Variants in WWTR1 observed in about 807,000 individuals in gnomAD.
The protein encoded by WWTR1 is WW domain containing transcription regulator 1.
A neutral mutation model predicts 40.1 loss-of-function variants in WWTR1; 13 were observed. The observed-to-expected ratio is 0.32, with a 90% CI of 0.21 to 0.52. The LOEUF is 0.52. WWTR1 is among the 20% of genes least tolerant of loss of function. The pLI, the probability that WWTR1 is intolerant of heterozygous loss-of-function variation, is 0.97. For synonymous variants in WWTR1, 230 were observed against 210.1 expected (o/e 1.09, Z -0.82); for missense variants, 436 against 523.1 (o/e 0.83, Z 1.63).
At chr3:149,581,669 A>T (rs530539070) in intron 2 of WWTR1, among the ~76,000 whole-genome samples, 1 of 152,250 alleles carries the variant, frequency 6.6e-6, no homozygotes, top group Non-Finnish European at 1.5e-5. Flanking sequence ...GGAATTCTGA[A>T]TGAATGGCAG....
chr3:149,585,909 T>C (rs1187095898), intron 2 of WWTR1, among the ~76,000 whole-genome samples: 1 of 152,222 alleles, frequency 6.6e-6, no homozygotes, highest in Non-Finnish European at 1.5e-5. Flanking sequence ...GCAGGAAGCC[T>C]TGAAGGTTCT....
intron 2 of WWTR1, among the ~76,000 whole-genome samples, chr3:149,617,186 T>C (rs1292303677): frequency 1.3e-5 from 2 of 152,194 alleles, no homozygotes; most frequent in African/African-American, 2.4e-5. Context: ...CCTTGTGCCA[T>C]GACAAGGTGG....
chr3:149,642,817 T>C (rs1333206139), intron 2 of WWTR1, among the ~76,000 whole-genome samples: 1 of 151,300 alleles, frequency 6.6e-6, no homozygotes, highest in Non-Finnish European at 1.5e-5. Context: ...AAAAGTTGCA[T>C]ATGCATAGGG....
intron 4 of WWTR1, among the ~76,000 whole-genome samples, chr3:149,539,133 A>G (rs538352840): frequency 3.3e-5 from 5 of 152,354 alleles, no homozygotes; most frequent in East Asian, 1.9e-4. Context: ...AAATCATGCA[A>G]CAAGGACCAA....
chr3:149,667,609 C>T (rs1713889599), intron 2 of WWTR1, among the ~76,000 whole-genome samples: 1 of 151,940 alleles, frequency 6.6e-6, no homozygotes, highest in Admixed American at 6.6e-5. Flanking sequence ...ACCCAGCATC[C>T]CACTATGCTC....
Position 149,641,081 on chromosome 3 carries a change from G to A in WWTR1, c.431+15795C>T, listed in dbSNP as rs373770267. 9.9e-5 allele frequency among the ~76,000 whole-genome samples: 15 copies of A among 152,252 alleles called. No homozygotes were observed. In the Middle Eastern group the frequency reaches 0.01, roughly 104 times the overall value. ...GGCATTCGATATTATTTATTATGCAGGGTCCTTTTATCTTGTTCCACAATA... is the reference window on the plus strand; with the variant it reads ...GGCATTCGATATTATTTATTATGCAAGGTCCTTTTATCTTGTTCCACAATA... On this transcript the variant is annotated intron_variant, in intron 2 of 6. Coordinates refer to ENST00000360632, the MANE Select transcript of WWTR1 (RefSeq NM_015472.6).
intron 3 of WWTR1, among the ~76,000 whole-genome samples, chr3:149,561,273 CATGATG>C (rs1158372822): frequency 6.6e-6 from 1 of 151,916 alleles, no homozygotes; most frequent in Admixed American, 6.5e-5. Context: ...CAGCCATTAA[CATGATG>C]TGATGGTTTA....
At chr3:149,620,983 G>T (rs185694491) in intron 2 of WWTR1, among the ~76,000 whole-genome samples, 13 of 152,308 alleles carry the variant, frequency 8.5e-5, no homozygotes, top group Admixed American at 7.2e-4. Context: ...AAGAATCCAT[G>T]TCACCCTTGA....
In WWTR1 at chr3:149,656,956, G is replaced by A; in HGVS notation, c.351C>T (p.Ser117=). 3 of 1,595,392 alleles carry A rather than the reference G, an allele frequency of 1.9e-6. No individual in the cohort carries two copies. Among genetic ancestry groups the A allele is most frequent in the Non-Finnish European group, 2.6e-6 (3 of 1,174,482 alleles). Residue 117 remains serine (S), a synonymous_variant, in exon 2 of 7, where the codon TCC becomes TCT. Transcript: ENST00000360632. ...AQQHAHLRQQ[S]YDVTDELPLP... ...GTGGCAGCTCGTCGGTCACGTCGTA[G>A]GACTGCTGGCGGAGGTGCGCGTGCT...
intron 4 of WWTR1, among the ~76,000 whole-genome samples, chr3:149,530,835 C>T (rs914067940): frequency 6.6e-5 from 10 of 152,100 alleles, no homozygotes; most frequent in Non-Finnish European, 5.9e-5. Context: ...GGGCAAATGC[C>T]GCCTTCTGTC....
chr3:149,549,937 T>C (rs975022178), intron 3 of WWTR1, among the ~76,000 whole-genome samples: 39 of 151,944 alleles, frequency 2.6e-4, no homozygotes, highest in Admixed American at 8.5e-4. Flanking sequence ...AGATAAAAAC[T>C]AAAGAAATCT....
intron 2 of WWTR1, 93 bp downstream of exon 2, chr3:149,656,783 T>TCACA (rs1393422646): frequency 0.011 from 9,447 of 886,932 alleles, 87 homozygotes; most frequent in Admixed American, 0.015. Flanking sequence ...TCTCTCTCTC[T>TCACA]CTCTCTCTCA....
intron 1 of WWTR1, chr3:149,702,484 T>TATTATTATTATC (rs1715211463): frequency 6.6e-6 from 1 of 150,554 alleles, no homozygotes; most frequent in Non-Finnish European, 1.5e-5. Context: ...TTATTATTAT[T>TATTATTATTATC]ATTATTATTT....
intron 2 of WWTR1, 78 bp downstream of exon 2, chr3:149,656,798 C>T: frequency 2.3e-6 from 3 of 1,305,426 alleles, no homozygotes; most frequent in Non-Finnish European, 3.1e-6. Context: ...CTCTCACACA[C>T]ACACACACAC....
At chr3:149,581,811 G>A (rs1738162577) in intron 2 of WWTR1, among the ~76,000 whole-genome samples, 1 of 152,136 alleles carries the variant, frequency 6.6e-6, no homozygotes, top group South Asian at 2.1e-4. Flanking sequence ...CCTCTGCCCT[G>A]GCCAGCTGTG....
At chr3:149,715,694 T>A (rs1320596391) in intron 5 of WWTR1, among the ~76,000 whole-genome samples, 1 of 152,118 alleles carries the variant, frequency 6.6e-6, no homozygotes, top group African/African-American at 2.4e-5. Context: ...GACATCCCAA[T>A]CCCAAAGATC....
At chr3:149,601,324 G>A (rs1739232558) in intron 2 of WWTR1, among the ~76,000 whole-genome samples, 2 of 152,024 alleles carry the variant, frequency 1.3e-5, no homozygotes, top group Admixed American at 6.6e-5. Flanking sequence ...CTGAGTATCT[G>A]GGACCACAGG....
At chr3:149,694,507 G>A (rs1219267753) in intron 1 of WWTR1, among the ~76,000 whole-genome samples, 1 of 152,156 alleles carries the variant, frequency 6.6e-6, no homozygotes, top group East Asian at 1.9e-4. Flanking sequence ...ATTGAAATGG[G>A]CAAAATATCT....
chr3:149,655,464 AAACAAC>A (rs34656762), intron 2 of WWTR1, among the ~76,000 whole-genome samples: 2 of 152,000 alleles, frequency 1.3e-5, no homozygotes, highest in Non-Finnish European at 2.9e-5. Context: ...AACAAACAAC[AAACAAC>A]AACAACAAAA....
Sources: allele counts gnomAD v4.1 joint callset (sites outside exome capture counted in the v4.1 genomes callset), GRCh38; gene constraint gnomAD v4.1.1; transcripts MANE v1.5; gene names NCBI Gene and HGNC (gene_info 2026-07-23, HGNC 2026-07-21).